SDK1: variants seen among roughly 807,000 people sequenced by gnomAD.
The protein encoded by SDK1 is protein sidekick-1.
In SDK1, 157 loss-of-function variants were observed where a neutral mutation model predicts 245.5. The ratio of observed to expected loss-of-function variants is 0.64; its 90% CI spans 0.56 to 0.73. The LOEUF is 0.73. Ranked by LOEUF, SDK1 falls within the 30% of genes least tolerant of loss-of-function variation. SDK1 has a pLI of 0.00. For missense variants in SDK1, 3,583 were observed against 3,002.3 expected (o/e 1.19, Z -4.52); for synonymous variants, 1,647 against 1,278.5 (o/e 1.29, Z -6.15).
intron 2 of SDK1, among the ~76,000 whole-genome samples, chr7:3,634,542 G>A (rs1782396041): frequency 1.3e-5 from 2 of 152,190 alleles, no homozygotes; most frequent in African/African-American, 4.8e-5. Flanking sequence ...GTGTTGATTT[G>A]AAATAGGAAC....
At chr7:3,458,546 T>A (rs1780737165) in intron 1 of SDK1, among the ~76,000 whole-genome samples, 1 of 152,104 alleles carries the variant, frequency 6.6e-6, no homozygotes. Context: ...TTTTTGTACT[T>A]TTTTGTACCT....
intron 5 of SDK1, among the ~76,000 whole-genome samples, chr7:3,848,490 C>T (rs951265028): frequency 6.6e-6 from 1 of 152,058 alleles, no homozygotes; most frequent in Admixed American, 6.5e-5. Flanking sequence ...AGGCAGGCTT[C>T]TTGAGCAGGC....
intron 5 of SDK1, among the ~76,000 whole-genome samples, chr7:3,939,555 G>C (rs1780280762): frequency 6.6e-6 from 1 of 152,166 alleles, no homozygotes; most frequent in Admixed American, 6.5e-5. Context: ...TCTGCCACAA[G>C]AGACTTACCT....
intron 14 of SDK1, 36 bp from the exon 15 acceptor site, chr7:4,010,930 C>G (rs767057452): frequency 3.1e-6 from 5 of 1,611,080 alleles, no homozygotes; most frequent in Middle Eastern, 3.3e-4. Flanking sequence ...ACATGATAAG[C>G]CTGTGGGCTT....
chr7:4,227,329 C>T (rs1554263813), intron 40 of SDK1: 1 of 467,794 alleles, frequency 2.1e-6, no homozygotes. Flanking sequence ...CGGCTTCCCA[C>T]CCCTTCCTGG....
At chr7:3,850,152 G>C (rs1316081706) in intron 5 of SDK1, among the ~76,000 whole-genome samples, 7 of 152,182 alleles carry the variant, frequency 4.6e-5, no homozygotes, top group African/African-American at 1.7e-4. Context: ...CACCTGCCCT[G>C]GGAATGGACC....
intron 1 of SDK1, among the ~76,000 whole-genome samples, chr7:3,358,694 T>G (rs1780873772): frequency 6.6e-6 from 1 of 152,208 alleles, no homozygotes; most frequent in Admixed American, 6.5e-5. Flanking sequence ...GATACTGATC[T>G]TGAGAATGAA....
chr7:3,900,704 G>A (rs1055159359), intron 5 of SDK1, among the ~76,000 whole-genome samples: 40 of 151,844 alleles, frequency 2.6e-4, no homozygotes, highest in African/African-American at 9.7e-4. Flanking sequence ...ATGAGCATTT[G>A]GCCGCTTCGA....
chr7:3,870,048 G>C (rs1189806640), intron 5 of SDK1, among the ~76,000 whole-genome samples: 1 of 152,136 alleles, frequency 6.6e-6, no homozygotes, highest in Non-Finnish European at 1.5e-5. Flanking sequence ...TTCTGTCATT[G>C]CATCATTAAA....
chr7:3,990,280 C>T (rs1056480436), intron 14 of SDK1, among the ~76,000 whole-genome samples: 2 of 152,220 alleles, frequency 1.3e-5, no homozygotes, highest in Non-Finnish European at 2.9e-5. Flanking sequence ...CCCTTCTCCC[C>T]CTTGCAGGGG....
chr7:4,061,406 G>A (rs1473533998), intron 19 of SDK1, among the ~76,000 whole-genome samples: 1 of 152,104 alleles, frequency 6.6e-6, no homozygotes, highest in Non-Finnish European at 1.5e-5. Flanking sequence ...GGCCATCAGA[G>A]AAATGCAAAT....
intron 21 of SDK1, among the ~76,000 whole-genome samples, chr7:4,079,225 C>A (rs911198019): frequency 6.6e-6 from 1 of 152,176 alleles, no homozygotes; most frequent in Non-Finnish European, 1.5e-5. Flanking sequence ...TCAGGGAGGC[C>A]ATGTTAGCGA....
At chr7:3,469,487 G>A (rs981943730) in intron 1 of SDK1, among the ~76,000 whole-genome samples, 2 of 152,048 alleles carry the variant, frequency 1.3e-5, no homozygotes, top group African/African-American at 2.4e-5. Flanking sequence ...ATAGCATGAG[G>A]TGATGTACAC....
intron 40 of SDK1, among the ~76,000 whole-genome samples, chr7:4,232,272 G>A (rs1785825466): frequency 6.6e-6 from 1 of 151,460 alleles, no homozygotes; most frequent in Admixed American, 6.6e-5. Flanking sequence ...TAATTGAATT[G>A]GTGGGGCCAG....
Position 4,217,302 on chromosome 7 carries a change from A to C in SDK1, c.5540-2807A>C, listed in dbSNP as rs935520750. On this transcript the variant is annotated intron_variant, in intron 38 of 44. Coordinates refer to ENST00000404826, the MANE Select transcript of SDK1 (RefSeq NM_152744.4). ...CCACCCGGAGAACCACACTACCTGG[A>C]GAACCAGGCCACCCGGAGCACCAGG... Among the ~76,000 whole-genome samples the C allele has an allele frequency of 7.3e-5, 9 of 123,058 alleles. No homozygotes were observed. In the East Asian group the frequency reaches 1.9e-3, roughly 27 times the overall value. The allele number at this position is 123,058 out of a possible 152,430, so 80.7% of individuals were successfully genotyped here.
At chr7:3,455,436 A>G (rs1780639296) in intron 1 of SDK1, among the ~76,000 whole-genome samples, 1 of 149,648 alleles carries the variant, frequency 6.7e-6, no homozygotes, top group Non-Finnish European at 1.5e-5. Flanking sequence ...TAAGTGACTC[A>G]TTTCAAGTTC....
chr7:3,880,655 C>T (rs1288930919), intron 5 of SDK1, among the ~76,000 whole-genome samples: 1 of 150,614 alleles, frequency 6.6e-6, no homozygotes, highest in African/African-American at 2.4e-5. Context: ...GCTGCTGTAC[C>T]ACTCCCTCCC....
At chr7:4,175,679 A>C in intron 33 of SDK1, 96 bp from the exon 34 acceptor site, 1 of 1,023,442 alleles carries the variant, frequency 9.8e-7, no homozygotes, top group Non-Finnish European at 1.5e-6. Flanking sequence ...CTGGCATCCC[A>C]GTAAGGCACC....
intron 4 of SDK1, among the ~76,000 whole-genome samples, chr7:3,733,912 G>A (rs929058042): frequency 2.6e-5 from 4 of 151,998 alleles, no homozygotes; most frequent in African/African-American, 7.3e-5. Flanking sequence ...TCTGCCCAGA[G>A]CTACTGACCG....
Sources: gnomAD v4.1 joint callset for allele counts (sites outside exome capture counted in the v4.1 genomes callset) on GRCh38, gnomAD v4.1.1 for gene constraint, MANE v1.5 for transcripts, NCBI Gene and HGNC (gene_info 2026-07-23, HGNC 2026-07-21) for gene names.